The following CUBN variants were observed in gnomAD, a reference collection of about 807,000 sequenced individuals.
CUBN encodes the protein 460 kDa receptor.
A neutral mutation model predicts 405.3 loss-of-function variants in CUBN; 282 were observed. The observed-to-expected ratio is 0.70, with a 90% CI of 0.63 to 0.77. CUBN has a LOEUF of 0.77. CUBN is among the 30% of genes least tolerant of loss of function. The pLI is 0.00. For synonymous variants in CUBN, 1,684 were observed against 1,617.0 expected (o/e 1.04, Z -0.99); for missense variants, 4,514 against 4,475.2 (o/e 1.01, Z -0.25).
intron 19 of CUBN, among the ~76,000 whole-genome samples, chr10:17,069,669 G>C (rs1835693260): frequency 6.6e-6 from 1 of 152,084 alleles, no homozygotes; most frequent in African/African-American, 2.4e-5. Flanking sequence ...ACAGCCTTCT[G>C]AGTAGCTGAG....
At chr10:17,090,601 C>A (rs779835299) in intron 14 of CUBN, among the ~76,000 whole-genome samples, 20 of 151,806 alleles carry the variant, frequency 1.3e-4, no homozygotes, top group Non-Finnish European at 2.5e-4. Context: ...TTCCAAGGGA[C>A]CTTAAACACT....
At chr10:17,020,845 C>T (rs1234624023) in intron 27 of CUBN, among the ~76,000 whole-genome samples, 1 of 152,108 alleles carries the variant, frequency 6.6e-6, no homozygotes, top group Non-Finnish European at 1.5e-5. Flanking sequence ...ATATAAATAG[C>T]TGTTTGATAC....
At chr10:16,904,728 T>C (rs1841509657) in intron 50 of CUBN, among the ~76,000 whole-genome samples, 1 of 152,080 alleles carries the variant, frequency 6.6e-6, no homozygotes, top group African/African-American at 2.4e-5. Flanking sequence ...AAATCAATGA[T>C]ATATAGTATT....
At chr10:17,018,917 G>A (rs1211341085) in intron 28 of CUBN, among the ~76,000 whole-genome samples, 1 of 151,992 alleles carries the variant, frequency 6.6e-6, no homozygotes, top group African/African-American at 2.4e-5. Context: ...CCTTTAGCTA[G>A]ACAGAAAAGT....
Position 16,836,264 on chromosome 10 carries a change from G to A in CUBN, c.10151C>T (p.Ser3384Phe), listed in dbSNP as rs1303675319. Residue 3384 changes from serine (S) to phenylalanine (F), a missense_variant, in exon 63 of 67, where the codon TCT becomes TTT. By Grantham distance (155) the Ser-to-Phe change is radical. Coordinates refer to ENST00000377833, the MANE Select transcript of CUBN (RefSeq NM_001081.4). ...IFKSGVVNRN[S>F]RMSFTYQIAD... ...AATCTGATAGGTGAAACTCATTCTA[G>A]AGTTTCTGTTTACAACTCCAGATTT... 1.4e-5 allele frequency: 23 copies of A among 1,614,022 alleles called. No homozygotes were observed. Among genetic ancestry groups the A allele is most frequent in the Non-Finnish European group, 1.9e-5 (22 of 1,179,912 alleles).
intron 59 of CUBN, 142 bp downstream of exon 59, chr10:16,869,494 C>A: frequency 1.4e-6 from 1 of 727,032 alleles, no homozygotes; most frequent in Admixed American, 2.0e-5. Flanking sequence ...AGTTTTAAAA[C>A]CAAGCCCTTA....
intron 59 of CUBN, 68 bp downstream of exon 59, chr10:16,869,568 C>CGGGGGG (rs1840289717): frequency 1.1e-6 from 1 of 933,980 alleles, no homozygotes; most frequent in Non-Finnish European, 1.7e-6. Flanking sequence ...GGGGGGGGGG[C>CGGGGGG]GGGGAAATTA....
intron 36 of CUBN, among the ~76,000 whole-genome samples, chr10:16,946,704 C>T (rs61841453): frequency 0.057 from 8,616 of 151,902 alleles, 353 homozygotes; most frequent in Non-Finnish European, 0.088. Context: ...TCATGTTGGC[C>T]GGGCTGGTCT....
chr10:17,115,355 G>T (rs550979334), intron 7 of CUBN, 116 bp downstream of exon 7: 12 of 1,303,408 alleles, frequency 9.2e-6, no homozygotes, highest in Non-Finnish European at 1.3e-5. Context: ...TTACAGACAG[G>T]AAGTGACTTC....
At chr10:17,050,335 C>T (rs1835235815) in intron 22 of CUBN, among the ~76,000 whole-genome samples, 1 of 152,158 alleles carries the variant, frequency 6.6e-6, no homozygotes, top group Admixed American at 6.5e-5. Context: ...TCATGATGTA[C>T]GACTCTTGAT....
chr10:16,885,003 A>T (rs1187546740), intron 56 of CUBN, among the ~76,000 whole-genome samples: 7 of 152,136 alleles, frequency 4.6e-5, no homozygotes, highest in Non-Finnish European at 8.8e-5. Flanking sequence ...CCCTCAATAA[A>T]GCTATGACCT....
intron 24 of CUBN, among the ~76,000 whole-genome samples, chr10:17,045,516 C>T (rs147190467): frequency 3.3e-5 from 5 of 151,918 alleles, no homozygotes; most frequent in Non-Finnish European, 4.4e-5. Flanking sequence ...CCTGCCACCA[C>T]GTCCAGCTAA....
Position 16,890,442 on chromosome 10 carries a change from C to G in CUBN, c.8684G>C (p.Ser2895Thr), listed in dbSNP as rs140816574. 2.5e-6 allele frequency: 4 copies of G among 1,614,026 alleles called. No homozygotes were observed. Among genetic ancestry groups the G allele is most frequent in the Non-Finnish European group, 3.4e-6 (4 of 1,180,026 alleles). ...NVAPGPVITP[S>T]NTFTAVFQSQ... ...CTGGAAGACGGCAGTGAATGTGTTACTTGGTGTGATAACGGGACCCGGAGC... is the reference window on the plus strand; with the variant it reads ...CTGGAAGACGGCAGTGAATGTGTTAGTTGGTGTGATAACGGGACCCGGAGC... Residue 2895 changes from serine (S) to threonine (T), a missense_variant, in exon 55 of 67, where the codon AGT (serine) becomes ACT (threonine). Ser to Thr is a moderately conservative substitution (Grantham distance 58, BLOSUM62 1). Transcript: ENST00000377833.
At chr10:16,829,433 A>G (rs1268065252) in intron 65 of CUBN, among the ~76,000 whole-genome samples, 5 of 151,704 alleles carry the variant, frequency 3.3e-5, no homozygotes, top group Admixed American at 1.3e-4. Flanking sequence ...AGATCTTTGC[A>G]TGCCCAGAGT....
chr10:16,969,022 C>A (rs776056480), intron 31 of CUBN, among the ~76,000 whole-genome samples: 15 of 152,206 alleles, frequency 9.9e-5, no homozygotes, highest in Non-Finnish European at 2.1e-4. Flanking sequence ...CAATAGAAGT[C>A]AAAAAATCCA....
chr10:17,092,981 T>C (rs1054434433), intron 14 of CUBN, among the ~76,000 whole-genome samples: 2 of 152,194 alleles, frequency 1.3e-5, no homozygotes, highest in South Asian at 4.1e-4. Flanking sequence ...TTTATCATTT[T>C]CAGGCATTGA....
chr10:16,908,237 C>G (rs1841612766), intron 48 of CUBN, among the ~76,000 whole-genome samples: 1 of 152,048 alleles, frequency 6.6e-6, no homozygotes, highest in South Asian at 2.1e-4. Flanking sequence ...CCTTCACTTC[C>G]CAGGTTCAAG....
In CUBN at chr10:16,901,419, T is replaced by C. The variant is rs1228782575; in HGVS notation, c.8103A>G (p.Thr2701=). Reference sequence around the variant, plus strand: ...CATAAGCATTTGGATAGTTGGGGCTTGTGATCACTCCACTGTCACCTATCT... The same window carrying C: ...CATAAGCATTTGGATAGTTGGGGCTCGTGATCACTCCACTGTCACCTATCT... The part of the protein sequence containing the change: ...GIQIGDSGVI[T]SPNYPNAYDS... Residue 2701 remains threonine, a synonymous_variant, in exon 52 of 67, where the codon ACA becomes ACG. Coordinates refer to ENST00000377833, the MANE Select transcript of CUBN (RefSeq NM_001081.4). 2 of 1,614,018 alleles carry C rather than the reference T, an allele frequency of 1.2e-6. No homozygotes were observed. Among genetic ancestry groups the C allele is most frequent in the Non-Finnish European group, 1.7e-6 (2 of 1,180,002 alleles).
intron 37 of CUBN, among the ~76,000 whole-genome samples, chr10:16,939,418 G>A (rs1236676688): frequency 6.6e-6 from 1 of 152,172 alleles, no homozygotes; most frequent in Non-Finnish European, 1.5e-5. Context: ...TGGGGACATG[G>A]GAAGGTGGGG....
Sources: gnomAD v4.1 joint callset for allele counts (sites outside exome capture counted in the v4.1 genomes callset) on GRCh38, gnomAD v4.1.1 for gene constraint, MANE v1.5 for transcripts, NCBI Gene and HGNC (gene_info 2026-07-23, HGNC 2026-07-21) for gene names.